TTC39B: variants seen among roughly 807,000 people sequenced by gnomAD.
TTC39B encodes tetratricopeptide repeat protein 39B.
TTC39B carries 92 observed loss-of-function variants against 96.6 expected under a neutral mutation model. That is an observed-to-expected ratio of 0.95 (90% confidence interval 0.80 to 1.13). The LOEUF (loss-of-function observed/expected upper bound fraction) is 1.13, where lower values mean the gene tolerates loss of function less well. TTC39B is among the 50% of genes most tolerant of loss of function. TTC39B has a pLI of 0.00. For synonymous variants in TTC39B, 367 were observed against 299.4 expected (o/e 1.23, Z -2.33); for missense variants, 955 against 809.3 (o/e 1.18, Z -2.18).
At chr9:15,174,286 G>A (rs1817813010) in intron 19 of TTC39B, among the ~76,000 whole-genome samples, 1 of 152,042 alleles carries the variant, frequency 6.6e-6, no homozygotes, top group Non-Finnish European at 1.5e-5. Context: ...CATAATAGGT[G>A]CTCAGTGAAT....
chr9:15,250,257 T>C, intron 2 of TTC39B: 1 of 1,088,202 alleles, frequency 9.2e-7, no homozygotes, highest in Non-Finnish European at 1.1e-6. Flanking sequence ...TCCCCCAATC[T>C]CTGCTGCAGC....
intron 1 of TTC39B, among the ~76,000 whole-genome samples, chr9:15,291,712 G>A (rs528065499): frequency 3.9e-5 from 6 of 152,074 alleles, no homozygotes; most frequent in East Asian, 1.9e-4. Flanking sequence ...AAAAGGGACC[G>A]TCACTGGATC....
intron 2 of TTC39B, 111 bp from the exon 3 acceptor site, chr9:15,226,123 C>A (rs577527676): frequency 1.5e-5 from 12 of 783,274 alleles, no homozygotes; most frequent in African/African-American, 7.0e-5. Flanking sequence ...ATACATCTTA[C>A]CTCCATTTCT....
chr9:15,176,503 C>G (rs1016645718), intron 18 of TTC39B, among the ~76,000 whole-genome samples: 1 of 152,128 alleles, frequency 6.6e-6, no homozygotes, highest in Non-Finnish European at 1.5e-5. Flanking sequence ...AGAAGGGGAT[C>G]AGGTGGCCAC....
At chr9:15,219,412 C>A (rs116366291) in intron 3 of TTC39B, among the ~76,000 whole-genome samples, 2,502 of 152,208 alleles carry the variant, frequency 0.016, 64 homozygotes, top group African/African-American at 0.057. Flanking sequence ...AATCTGATGA[C>A]CTTCTACTAT....
intron 2 of TTC39B, among the ~76,000 whole-genome samples, chr9:15,247,772 CTA>C (rs1485098008): frequency 6.6e-6 from 1 of 151,124 alleles, no homozygotes; most frequent in Admixed American, 6.6e-5. Flanking sequence ...CAAAAAAAAA[CTA>C]TGCATTTTCC....
At chr9:15,201,722 A>C (rs527705) in intron 7 of TTC39B, among the ~76,000 whole-genome samples, 88,363 of 151,934 alleles carry the variant, frequency 0.58, 26,534 homozygotes, top group African/African-American at 0.74. Context: ...AAGTATGCAA[A>C]CCCGTCAGTG....
At chr9:15,220,558 A>G (rs1375199357) in intron 3 of TTC39B, among the ~76,000 whole-genome samples, 1 of 152,220 alleles carries the variant, frequency 6.6e-6, no homozygotes, top group Admixed American at 6.5e-5. Flanking sequence ...GCAGATGTAA[A>G]AGGTAAAAAT....
At chr9:15,287,406 C>T (rs1435706395) in intron 1 of TTC39B, among the ~76,000 whole-genome samples, 1 of 152,168 alleles carries the variant, frequency 6.6e-6, no homozygotes, top group African/African-American at 2.4e-5. Context: ...AACAGAGTTA[C>T]GGAAGAGATG....
At chr9:15,164,284 A>G (rs550102068) in exon 20 of TTC39B, 2 of 152,372 alleles carry the variant, frequency 1.3e-5, no homozygotes, top group East Asian at 3.9e-4. Flanking sequence ...CTAACAGAAC[A>G]TTAAATTATA....
At chr9:15,285,650 G>A (rs200494387) in intron 1 of TTC39B, among the ~76,000 whole-genome samples, 1 of 152,072 alleles carries the variant, frequency 6.6e-6, no homozygotes, top group Non-Finnish European at 1.5e-5. Flanking sequence ...GTCAGGAGAT[G>A]GAGACCATCC....
At chr9:15,271,204 C>A (rs1328104004) in intron 1 of TTC39B, among the ~76,000 whole-genome samples, 1 of 152,158 alleles carries the variant, frequency 6.6e-6, no homozygotes, top group East Asian at 1.9e-4. Flanking sequence ...CATTGTTTTA[C>A]AAGCCTCCCA....
chr9:15,182,705 G>T (rs982451399), intron 16 of TTC39B, among the ~76,000 whole-genome samples: 4 of 151,974 alleles, frequency 2.6e-5, no homozygotes, highest in African/African-American at 7.3e-5. Flanking sequence ...ATTTTAAACC[G>T]ATACTATGAA....
At chr9:15,220,935 G>A (rs1433231965) in intron 3 of TTC39B, among the ~76,000 whole-genome samples, 2 of 152,166 alleles carry the variant, frequency 1.3e-5, no homozygotes, top group Non-Finnish European at 2.9e-5. Flanking sequence ...GGTCGAGCCT[G>A]GTTAGTACTT....
intron 1 of TTC39B, among the ~76,000 whole-genome samples, chr9:15,274,080 C>G (rs909441735): frequency 1.3e-5 from 2 of 152,196 alleles, no homozygotes; most frequent in African/African-American, 4.8e-5. Context: ...ACAGCACATT[C>G]CTAGTTAAAG....
chr9:15,172,197 T>C (rs917297171), intron 19 of TTC39B, 88 bp from the exon 20 acceptor site: 2 of 870,324 alleles, frequency 2.3e-6, no homozygotes, highest in Non-Finnish European at 1.8e-6. Context: ...CTGATCTACT[T>C]ACTTACTTTC....
chr9:15,208,733 C>G (rs192286642), intron 6 of TTC39B, among the ~76,000 whole-genome samples: 1 of 152,112 alleles, frequency 6.6e-6, no homozygotes, highest in Admixed American at 6.5e-5. Flanking sequence ...TCTGTTTGAC[C>G]ATGGTTTTGG....
intron 3 of TTC39B, among the ~76,000 whole-genome samples, chr9:15,220,480 G>A (rs1820783962): frequency 6.6e-6 from 1 of 152,132 alleles, no homozygotes; most frequent in South Asian, 2.1e-4. Flanking sequence ...AGTATATGAG[G>A]ATATGACAAT....
intron 7 of TTC39B, among the ~76,000 whole-genome samples, chr9:15,203,485 T>C (rs1466925547): frequency 1.3e-5 from 2 of 151,484 alleles, no homozygotes; most frequent in Non-Finnish European, 2.9e-5. Flanking sequence ...TGTCTCGAAC[T>C]CTGGACCTCA....
Sources: allele counts gnomAD v4.1 joint callset (sites outside exome capture counted in the v4.1 genomes callset), GRCh38; gene constraint gnomAD v4.1.1; transcripts MANE v1.5; gene names NCBI Gene and HGNC (gene_info 2026-07-23, HGNC 2026-07-21).